Variants in BIRC6 observed in about 807,000 individuals in gnomAD.
BIRC6 encodes the protein baculoviral IAP repeat containing 6, also known as dual E2 ubiquitin-conjugating enzyme/E3 ubiquitin-protein ligase BIRC6.
In BIRC6, 98 loss-of-function variants were observed where a neutral mutation model predicts 503.3. That is an observed-to-expected ratio of 0.19 (90% CI 0.17 to 0.23). The LOEUF (loss-of-function observed/expected upper bound fraction) is 0.23. Among genes scored for constraint, BIRC6 ranks in the 10% least tolerant of loss-of-function variants. The pLI, the probability that BIRC6 is intolerant of heterozygous loss-of-function variation, is 1.00. For missense variants in BIRC6, 5,360 were observed against 5,806.0 expected (o/e 0.92, Z 2.50); for synonymous variants, 2,240 against 2,078.7 (o/e 1.08, Z -2.11).
chr2:32,363,567 C>A (rs973739604), intron 1 of BIRC6, among the ~76,000 whole-genome samples: 1 of 152,034 alleles, frequency 6.6e-6, no homozygotes, highest in Admixed American at 6.6e-5. Flanking sequence ...TGAAATAATG[C>A]CCCTCCCCAG....
Position 32,431,083 on chromosome 2 carries a change from A to C in BIRC6, c.3241A>C (p.Thr1081Pro). 1 of 1,604,456 alleles carries C rather than the reference A, an allele frequency of 6.2e-7. No individual in the cohort carries two copies. Residue 1081 changes from threonine to proline, a missense_variant, in exon 12 of 74, where the codon ACC becomes CCC. By Grantham distance (38) the Thr-to-Pro change is conservative (BLOSUM62 -1). Coordinates refer to ENST00000421745, the MANE Select transcript of BIRC6 (RefSeq NM_016252.4). ...AQHTRTWKLQ[T>P]DSNSWDEHVF... ...GCATACTCGAACTTGGAAACTACAG[A>C]CCGACAGGTAAAAGATATTCCCAAG...
rs1423921189 is a variant in BIRC6, at chr2:32,499,747, G to A, written c.8669G>A (p.Arg2890Gln). 6 of 1,613,858 alleles carry A rather than the reference G, an allele frequency of 3.7e-6. No homozygotes were observed. Among genetic ancestry groups the A allele is most frequent in the East Asian group, 2.2e-5 (1 of 44,908 alleles). ...GGATCAGATAGCTCCGTGGGTGCTC[G>A]AGCATGCTTTGGGGGACTCTTTGCC... ...RSGSDSSVGA[R>Q]ACFGGLFANL... Residue 2890 changes from arginine (R) to glutamine (Q), a missense_variant, in exon 46 of 74, where the codon CGA becomes CAA. Transcript: ENST00000421745.
chr2:32,450,750 A>T (rs6543655), intron 22 of BIRC6, among the ~76,000 whole-genome samples: 11,113 of 152,256 alleles, frequency 0.073, 515 homozygotes, highest in Admixed American at 0.15. Context: ...CAAGTCCCTT[A>T]TGAAAAATGA....
intron 45 of BIRC6, among the ~76,000 whole-genome samples, chr2:32,499,181 A>G (rs890444809): frequency 2.6e-5 from 4 of 152,242 alleles, no homozygotes; most frequent in African/African-American, 2.4e-5. Flanking sequence ...AATGTTTACA[A>G]TAGCGTTATT....
intron 23 of BIRC6, among the ~76,000 whole-genome samples, chr2:32,461,923 T>A (rs1447082916): frequency 6.6e-6 from 1 of 152,208 alleles, no homozygotes; most frequent in Non-Finnish European, 1.5e-5. Context: ...CTGATGTAGC[T>A]TCCATGCTTA....
chr2:32,405,227 G>A (rs1277956072), intron 8 of BIRC6, among the ~76,000 whole-genome samples: 4 of 151,744 alleles, frequency 2.6e-5, no homozygotes, highest in Non-Finnish European at 5.9e-5. Context: ...TTTCTTCTTG[G>A]GATTCATTTT....
chr2:32,543,075 C>G (rs924223546), intron 61 of BIRC6, among the ~76,000 whole-genome samples, 166 bp from the exon 62 acceptor site: 1 of 152,232 alleles, frequency 6.6e-6, no homozygotes, highest in African/African-American at 2.4e-5. Flanking sequence ...GCTGGGATAA[C>G]AGGCGTGAGC....
intron 60 of BIRC6, among the ~76,000 whole-genome samples, chr2:32,530,442 C>T (rs1314862812): frequency 7.9e-5 from 12 of 152,154 alleles, no homozygotes; most frequent in Admixed American, 7.9e-4. Context: ...AACTCCTGAC[C>T]TCAACTTATC....
At chr2:32,577,351 T>A (rs1026544183) in intron 66 of BIRC6, among the ~76,000 whole-genome samples, 1 of 152,172 alleles carries the variant, frequency 6.6e-6, no homozygotes, top group Non-Finnish European at 1.5e-5. Context: ...TAACTAAAAT[T>A]GAAAATTTAT....
At chr2:32,473,262 A>T (rs763618685) in intron 33 of BIRC6, 23 bp downstream of exon 33, 26 of 1,501,430 alleles carry the variant, frequency 1.7e-5, no homozygotes, top group Middle Eastern at 1.8e-4. Flanking sequence ...ATATTTAAAA[A>T]TTTTTAATGT....
intron 61 of BIRC6, among the ~76,000 whole-genome samples, chr2:32,535,150 C>CA (rs1158856665): frequency 0.098 from 711 of 7,274 alleles, 190 homozygotes; most frequent in Middle Eastern, 0.25. Context: ...CCCAAAAAAG[C>CA]AAAAAAAAAA....
chr2:32,427,823 G>C (rs956545145), intron 10 of BIRC6, among the ~76,000 whole-genome samples: 13 of 151,840 alleles, frequency 8.6e-5, no homozygotes, highest in Admixed American at 8.5e-4. Flanking sequence ...TTATTTACTG[G>C]ACATTTAAAA....
chr2:32,487,680 T>C lies in BIRC6; in HGVS notation c.7847T>C (p.Leu2616Pro), dbSNP rs777422574. Residue 2616 changes from leucine to proline, a missense_variant, in exon 41 of 74, where the codon CTT (leucine) becomes CCT (proline). Physicochemically the swap from Leu to Pro is moderately conservative, Grantham distance 98 (BLOSUM62 -3). Around this residue, in one of 16 missense-constraint regions of BIRC6, gnomAD observed 2,299 missense variants for 2,267.2 expected, o/e 1.01. Transcript: ENST00000421745. ...SQSPTGTDDS[L>P]LGGLQAANQT... ...TCTCCCACTGGAACAGATGATTCAC[T>C]TCTAGGGGGTTTACAAGCAGCAAAC... is the stretch of plus-strand genomic sequence containing the variant. 6.2e-7 allele frequency: 1 copy of C among 1,613,764 alleles called. No homozygotes were observed. Among genetic ancestry groups the C allele is most frequent in the Non-Finnish European group, 8.5e-7 (1 of 1,179,752 alleles).
chr2:32,533,574 A>G (rs1321336594), intron 61 of BIRC6, among the ~76,000 whole-genome samples: 5 of 152,188 alleles, frequency 3.3e-5, no homozygotes, highest in Admixed American at 1.3e-4. Flanking sequence ...AGGCTGGACA[A>G]CCTTTTGCTA....
Position 32,501,862 on chromosome 2 carries a change from A to G in BIRC6, c.9181A>G (p.Met3061Val), listed in dbSNP as rs1235250056. 6.2e-7 allele frequency: 1 copy of G among 1,612,720 alleles called. No homozygotes were observed. Residue 3061 changes from methionine (M) to valine (V), a missense_variant, in exon 47 of 74, where the codon ATG (methionine) becomes GTG (valine). By Grantham distance (21) the Met-to-Val change is conservative (BLOSUM62 1). Around this residue, in one of 16 missense-constraint regions of BIRC6, gnomAD observed 267 missense variants for 287.6 expected, o/e 0.93. Coordinates refer to ENST00000421745, the MANE Select transcript of BIRC6 (RefSeq NM_016252.4). Reference sequence around the variant, plus strand: ...GATGCTGCAGCCAATTTTAACATACATGGCCTGTGGATATATGGGCAGACA... The same window carrying G: ...GATGCTGCAGCCAATTTTAACATACGTGGCCTGTGGATATATGGGCAGACA... ...HMMLQPILTY[M>V]ACGYMGRQGS...
chr2:32,597,622 CT>C (rs1459589900), intron 68 of BIRC6, 128 bp from the exon 69 acceptor site: 2 of 672,904 alleles, frequency 3.0e-6, no homozygotes, highest in Non-Finnish European at 5.1e-6. Flanking sequence ...AACATTTACA[CT>C]TTTGCTATTC....
rs1166383796 is a variant in BIRC6, at chr2:32,511,476, ATTTTTTTTTT to A, written c.10346+860_10346+869del. Among the ~76,000 whole-genome samples, 163 of 80,162 alleles carry A rather than the reference ATTTTTTTTTT, an allele frequency of 2.0e-3. 1 individual carries two copies. Among genetic ancestry groups the A allele is most frequent in the East Asian group, 6.4e-3 (21 of 3,280 alleles). 52.6% of individuals were successfully genotyped at this position (80,162 alleles called of 152,430 possible). ...AGGCGACCACCACTATAACTGACTA[ATTTTTTTTTT>A]TTTTTTTTTTTTTTTTTGTATTTTT... is the stretch of plus-strand genomic sequence containing the variant. On this transcript the variant is annotated intron_variant, in intron 53 of 73. Transcript: ENST00000421745.
intron 1 of BIRC6, among the ~76,000 whole-genome samples, chr2:32,368,897 C>T (rs746823138): frequency 1.3e-5 from 2 of 152,144 alleles, no homozygotes; most frequent in African/African-American, 2.4e-5. Flanking sequence ...AGTGACCTGT[C>T]CTCCTTGGCC....
chr2:32,538,637 T>C (rs952477696), intron 61 of BIRC6, among the ~76,000 whole-genome samples: 1 of 152,194 alleles, frequency 6.6e-6, no homozygotes, highest in South Asian at 2.1e-4. Context: ...TCATCAACAA[T>C]GTACAGTGTA....
Sources: gnomAD v4.1 joint callset for allele counts (sites outside exome capture counted in the v4.1 genomes callset) on GRCh38, gnomAD v4.1.1 for gene constraint, gnomAD v4.1.1 regional missense constraint, MANE v1.5 for transcripts, NCBI Gene and HGNC (gene_info 2026-07-23, HGNC 2026-07-21) for gene names.